The following RAP1B variants were observed in gnomAD, a reference collection of about 807,000 sequenced individuals.
RAP1B encodes RAP1B, member of RAS oncogene family.
In RAP1B, 1 loss-of-function variant was observed where a neutral mutation model predicts 27.5. The observed-to-expected ratio is 0.04, with a 90% CI of 0.01 to 0.17. The LOEUF (loss-of-function observed/expected upper bound fraction) is 0.17. Ranked by LOEUF, RAP1B falls within the 10% of genes least tolerant of loss-of-function variation. RAP1B has a pLI of 1.00. For synonymous variants in RAP1B, 75 were observed against 73.1 expected (o/e 1.03, Z -0.13); for missense variants, 84 against 214.8 (o/e 0.39, Z 3.81).
At chr12:68,620,109 T>C (rs1871288038) in intron 1 of RAP1B, among the ~76,000 whole-genome samples, 1 of 152,088 alleles carries the variant, frequency 6.6e-6, no homozygotes. Flanking sequence ...TTACCTTAAG[T>C]AGACACTTTT....
Position 68,657,154 on chromosome 12 carries a change from G to A in RAP1B, c.522G>A (p.Lys174=), listed in dbSNP as rs753503612. 3 of 1,613,470 alleles carry A rather than the reference G, an allele frequency of 1.9e-6. No individual in the cohort carries two copies. The highest frequency in any genetic ancestry group is 2.2e-5 in the South Asian group (2 of 91,032). Residue 174 remains lysine, a synonymous_variant, in exon 7 of 8, where the codon AAG becomes AAA. Coordinates refer to ENST00000250559, the MANE Select transcript of RAP1B (RefSeq NM_001010942.3). The part of the protein sequence containing the change: ...QINRKTPVPG[K]ARKKSSCQLL ...ACAGAAAAACTCCAGTGCCTGGGAA[G>A]GCTCGCAAAAAGTCATCATGTCAGC...
rs1392515818 is a variant in RAP1B, at chr12:68,664,962, C to G, written c.*5713C>G. The G allele has an allele frequency of 6.6e-6, 1 of 152,054 alleles. No individual in the cohort carries two copies. The allele number at this position is 152,054 out of a possible 1,614,324, so 9.4% of individuals were successfully genotyped here. On this transcript the variant is annotated 3_prime_UTR_variant, in exon 8 of 8. Coordinates refer to ENST00000250559, the MANE Select transcript of RAP1B (RefSeq NM_001010942.3). ...ACAGGTCAATGTCAGATTTCCTGAG[C>G]AAATCAACCAATAATGAAAAACTAT...
intron 1 of RAP1B, among the ~76,000 whole-genome samples, chr12:68,614,114 G>C (rs1162450680): frequency 6.6e-6 from 1 of 152,184 alleles, no homozygotes; most frequent in Non-Finnish European, 1.5e-5. Context: ...GATTAGACAT[G>C]TTATTTTAAA....
chr12:68,629,999 C>T (rs943001999), intron 1 of RAP1B, among the ~76,000 whole-genome samples: 1 of 152,186 alleles, frequency 6.6e-6, no homozygotes, highest in African/African-American at 2.4e-5. Context: ...ATTAATACAA[C>T]CCTGTCTCTC....
chr12:68,637,009 A>G (rs1014154812), intron 1 of RAP1B, among the ~76,000 whole-genome samples: 1 of 152,108 alleles, frequency 6.6e-6, no homozygotes, highest in African/African-American at 2.4e-5. Flanking sequence ...GTTGGGATTC[A>G]TGGCATCTGT....
chr12:68,657,797 C>T (rs1021357810), intron 7 of RAP1B: 25 of 157,804 alleles, frequency 1.6e-4, no homozygotes, highest in Admixed American at 5.2e-4. Context: ...CGTGAGCCAC[C>T]GCTCCCAGCC....
chr12:68,649,546 T>A (rs1873662104), intron 2 of RAP1B: 1 of 151,916 alleles, frequency 6.6e-6, no homozygotes, highest in Non-Finnish European at 1.5e-5. Flanking sequence ...GTAGGGAAAA[T>A]AATTTGATGA....
rs1257495431 is a variant in RAP1B at position 68,664,021 on chromosome 12, C to T, written c.*4772C>T. 1 of 152,074 alleles carries T rather than the reference C, an allele frequency of 6.6e-6. No homozygotes were observed. The highest frequency in any genetic ancestry group is 1.5e-5 in the Non-Finnish European group (1 of 68,020). The allele number at this position is 152,074 out of a possible 1,614,324, so 9.4% of individuals were successfully genotyped here. ...TTTTTCTCATTTCTCCAAAAGGGTA[C>T]GAAGACAGTTTTTACTATGTTGTTT... On this transcript the variant is annotated 3_prime_UTR_variant, in exon 8 of 8. Coordinates refer to ENST00000250559, the MANE Select transcript of RAP1B (RefSeq NM_001010942.3).
intron 1 of RAP1B, among the ~76,000 whole-genome samples, chr12:68,639,325 A>G (rs1446291141): frequency 1.3e-5 from 2 of 152,044 alleles, no homozygotes; most frequent in African/African-American, 2.4e-5. Context: ...TTTGTAGACA[A>G]GGAATCTGGA....
At chr12:68,653,841 G>T (rs1873998496) in intron 4 of RAP1B, among the ~76,000 whole-genome samples, 1 of 151,820 alleles carries the variant, frequency 6.6e-6, no homozygotes, top group Non-Finnish European at 1.5e-5. Flanking sequence ...TGAGGCAGGG[G>T]AATCACTTGA....
chr12:68,612,407 T>G (rs1870670146), intron 1 of RAP1B, among the ~76,000 whole-genome samples: 1 of 152,196 alleles, frequency 6.6e-6, no homozygotes, highest in Non-Finnish European at 1.5e-5. Context: ...TGAGTCATAG[T>G]GGAGTCATGG....
intron 1 of RAP1B, among the ~76,000 whole-genome samples, chr12:68,613,306 G>C (rs1245267942): frequency 6.6e-6 from 1 of 150,380 alleles, no homozygotes; most frequent in East Asian, 2.0e-4. Flanking sequence ...GAATGAACCA[G>C]CTTGAACCTG....
intron 1 of RAP1B, among the ~76,000 whole-genome samples, chr12:68,643,633 T>G (rs1873182181): frequency 6.6e-6 from 1 of 152,148 alleles, no homozygotes; most frequent in Non-Finnish European, 1.5e-5. Context: ...TCACCATTAG[T>G]TTATTAATCC....
chr12:68,627,702 C>G (rs1016768111), intron 1 of RAP1B, among the ~76,000 whole-genome samples: 1 of 152,126 alleles, frequency 6.6e-6, no homozygotes. Context: ...CGTCTTTTAT[C>G]ATATAGATAG....
At chr12:68,647,152 A>G (rs1315155580) in intron 1 of RAP1B, among the ~76,000 whole-genome samples, 11 of 152,154 alleles carry the variant, frequency 7.2e-5, no homozygotes, top group African/African-American at 2.7e-4. Context: ...TCCCAGGTTC[A>G]AGCGATTCTC....
rs921160847 is a variant in RAP1B at position 68,666,446 on chromosome 12, G to A, written c.*7197G>A. 13 of 152,264 alleles carry A rather than the reference G, an allele frequency of 8.5e-5. No homozygotes were observed. Among genetic ancestry groups the A allele is most frequent in the African/African-American group, 2.9e-4 (12 of 41,558 alleles). The allele number at this position is 152,264 out of a possible 1,614,324, so 9.4% of individuals were successfully genotyped here. On this transcript the variant is annotated 3_prime_UTR_variant, in exon 8 of 8. Coordinates refer to ENST00000250559, the MANE Select transcript of RAP1B (RefSeq NM_001010942.3). ...GTACTCTTTCACAGTTCTGAAGGTC[G>A]AAGTCCAAAATCAAAGTGTTAGGAT...
chr12:68,657,269 GCACTCTGT>G, intron 7 of RAP1B, 52 bp downstream of exon 7: 1 of 1,160,982 alleles, frequency 8.6e-7, no homozygotes, highest in South Asian at 1.4e-5. Flanking sequence ...CTTATTAAGG[GCACTCTGT>G]CATGAAAGCA....
rs758513234 is a variant in RAP1B at position 68,666,632 on chromosome 12, CA to C, written c.*7387del. ...CACATACTTCAGGATAATCTCATCT[CA>C]AAATGCTTAATCACATCTGCAAAGA... On this transcript the variant is annotated 3_prime_UTR_variant, in exon 8 of 8. Coordinates refer to ENST00000250559, the MANE Select transcript of RAP1B (RefSeq NM_001010942.3). 3 of 152,174 alleles carry C rather than the reference CA, an allele frequency of 2.0e-5. No individual in the cohort carries two copies. The highest frequency in any genetic ancestry group is 2.9e-5 in the Non-Finnish European group (2 of 68,034). 9.4% of individuals were successfully genotyped at this position (152,174 alleles called of 1,614,324 possible).
At chr12:68,647,385 CCG>C (rs1565670508) in intron 1 of RAP1B, among the ~76,000 whole-genome samples, 14 of 22,870 alleles carry the variant, frequency 6.1e-4, no homozygotes, top group East Asian at 3.9e-3. Flanking sequence ...ACTCCACTCC[CCG>C]CCCCCCCCCC....
Sources: allele counts gnomAD v4.1 joint callset (sites outside exome capture counted in the v4.1 genomes callset), GRCh38; gene constraint gnomAD v4.1.1; transcripts MANE v1.5; gene names NCBI Gene and HGNC (gene_info 2026-07-23, HGNC 2026-07-21).